The following GPC3 variants were observed in gnomAD, a reference collection of about 807,000 sequenced individuals.
GPC3 encodes glypican 3.
A neutral mutation model predicts 34.4 loss-of-function variants in GPC3; 3 were observed. That is an observed-to-expected ratio of 0.09 (90% CI 0.04 to 0.23). The LOEUF is 0.23. Ranked by LOEUF, GPC3 falls within the 10% of genes least tolerant of loss-of-function variation. GPC3 has a pLI of 1.00. For missense variants in GPC3, 351 were observed against 445.6 expected (o/e 0.79, Z 1.91); for synonymous variants, 177 against 174.0 (o/e 1.02, Z -0.13).
At chrX:133,751,863 TTCTC>T (rs1170910496) in intron 3 of GPC3, among the ~76,000 whole-genome samples, 1 of 111,226 alleles carries the variant, frequency 9.0e-6, no homozygotes, top group Non-Finnish European at 1.9e-5. Context: ...ATATATTTCT[TTCTC>T]TCTCTTGTTT....
At chrX:133,839,654 G>A (rs2075814916) in intron 2 of GPC3, among the ~76,000 whole-genome samples, 1 of 110,773 alleles carries the variant, frequency 9.0e-6, no homozygotes, top group Admixed American at 9.6e-5. Context: ...GAACAGGCCT[G>A]GCGTGGTGGC....
At chrX:133,928,447 T>A (rs1464519317) in intron 2 of GPC3, among the ~76,000 whole-genome samples, 1 of 111,747 alleles carries the variant, frequency 8.9e-6, no homozygotes, top group Non-Finnish European at 1.9e-5. Context: ...TAAAAATTGC[T>A]GGGATTGCTG....
Position 133,594,796 on chromosome X carries a change from A to G in GPC3, c.1573+1644T>C, listed in dbSNP as rs191350625. Among the ~76,000 whole-genome samples, 383 of 111,587 alleles carry G rather than the reference A, an allele frequency of 3.4e-3. 4 individuals carry two copies. The highest frequency in any genetic ancestry group is 0.012 in the African/African-American group (361 of 30,748). ...TGTTCTAGAGATCTGTTGCACAACA[A>G]TGTGCATATAATTAACAGTATTGTA... On this transcript the variant is annotated intron_variant, in intron 7 of 7. Coordinates refer to ENST00000370818, the MANE Select transcript of GPC3 (RefSeq NM_004484.4).
intron 2 of GPC3, among the ~76,000 whole-genome samples, chrX:133,884,754 T>C (rs186573125): frequency 3.6e-5 from 4 of 111,926 alleles, no homozygotes; most frequent in Non-Finnish European, 7.5e-5. Flanking sequence ...AAAGCTAGCA[T>C]CTGGCATTCA....
At chrX:133,626,380 C>T (rs1736100440) in intron 6 of GPC3, among the ~76,000 whole-genome samples, 1 of 110,905 alleles carries the variant, frequency 9.0e-6, no homozygotes, top group African/African-American at 3.3e-5. Context: ...GAACAGAAAC[C>T]TACAGAATGG....
At chrX:133,847,440 G>A (rs923745153) in intron 2 of GPC3, among the ~76,000 whole-genome samples, 2 of 112,110 alleles carry the variant, frequency 1.8e-5, no homozygotes, top group Non-Finnish European at 3.8e-5. Context: ...GTCCCACTGC[G>A]CATGCACTTG....
intron 3 of GPC3, among the ~76,000 whole-genome samples, chrX:133,741,238 C>T (rs73564905): frequency 0.063 from 6,453 of 102,038 alleles, 555 homozygotes; most frequent in African/African-American, 0.22. Context: ...CTTGGACTTT[C>T]AACCCCTGGA....
chrX:133,637,577 C>T (rs893840580), intron 6 of GPC3, among the ~76,000 whole-genome samples: 4 of 111,469 alleles, frequency 3.6e-5, no homozygotes, highest in Non-Finnish European at 7.5e-5. Context: ...ATAATGTTGT[C>T]CAGAAGAAAA....
At chrX:133,779,374 C>G (rs1427095298) in intron 2 of GPC3, among the ~76,000 whole-genome samples, 2 of 111,970 alleles carry the variant, frequency 1.8e-5, no homozygotes, top group Admixed American at 9.5e-5. Flanking sequence ...AACATGAACT[C>G]TGGAACCAGA....
intron 2 of GPC3, among the ~76,000 whole-genome samples, chrX:133,845,409 T>G (rs2075843462): frequency 1.8e-5 from 2 of 111,455 alleles, no homozygotes; most frequent in African/African-American, 6.5e-5. Context: ...AGGAAAAGTT[T>G]AGCCTTCGAG....
At chrX:133,719,198 C>T (rs980030411) in intron 3 of GPC3, among the ~76,000 whole-genome samples, 84 of 111,238 alleles carry the variant, frequency 7.6e-4, no homozygotes, top group Middle Eastern at 4.6e-3. Flanking sequence ...GGCCACAAAA[C>T]GAGTCTCAAA....
intron 6 of GPC3, among the ~76,000 whole-genome samples, chrX:133,620,835 A>C (rs1285478548): frequency 9.0e-6 from 1 of 111,722 alleles, no homozygotes; most frequent in East Asian, 2.8e-4. Context: ...CCAATCAAAA[A>C]ATCTTTGAAA....
chrX:133,851,069 C>T (rs965497576), intron 2 of GPC3, among the ~76,000 whole-genome samples: 15 of 111,729 alleles, frequency 1.3e-4, no homozygotes, highest in African/African-American at 4.9e-4. Flanking sequence ...TGCCACTGCA[C>T]TTCAGCCTGG....
intron 6 of GPC3, among the ~76,000 whole-genome samples, chrX:133,631,596 T>C (rs1326235649): frequency 8.0e-5 from 9 of 111,844 alleles, no homozygotes; most frequent in Non-Finnish European, 1.7e-4. Context: ...CTTGCAGACC[T>C]TGCTCTCAAT....
chrX:133,662,276 T>C (rs929956204), intron 5 of GPC3, among the ~76,000 whole-genome samples: 2 of 111,835 alleles, frequency 1.8e-5, no homozygotes, highest in Admixed American at 1.9e-4. Context: ...GAAAGATTCT[T>C]CCATGTTCTT....
chrX:133,847,587 A>C (rs1417258527), intron 2 of GPC3, among the ~76,000 whole-genome samples: 1 of 112,228 alleles, frequency 8.9e-6, no homozygotes, highest in Non-Finnish European at 1.9e-5. Context: ...TCAGATTTGA[A>C]AGAAAGATCT....
chrX:133,919,619 C>A (rs1386849115), intron 2 of GPC3, among the ~76,000 whole-genome samples: 1 of 110,050 alleles, frequency 9.1e-6, no homozygotes, highest in African/African-American at 3.3e-5. Flanking sequence ...CCAAGGAGTT[C>A]GAGATCAGCC....
At chrX:133,621,412 C>T (rs1224899212) in intron 6 of GPC3, among the ~76,000 whole-genome samples, 1 of 112,035 alleles carries the variant, frequency 8.9e-6, no homozygotes, top group Non-Finnish European at 1.9e-5. Flanking sequence ...CCAAAGGAAG[C>T]TGTGACAGAC....
At chrX:133,551,298 C>G (rs1339521011) in intron 7 of GPC3, among the ~76,000 whole-genome samples, 1 of 111,663 alleles carries the variant, frequency 9.0e-6, no homozygotes, top group Non-Finnish European at 1.9e-5. Flanking sequence ...AGCAGTAAGA[C>G]TTCAATCCCT....
Sources: gnomAD v4.1 joint callset for allele counts (sites outside exome capture counted in the v4.1 genomes callset) on GRCh38, gnomAD v4.1.1 for gene constraint, MANE v1.5 for transcripts, NCBI Gene and HGNC (gene_info 2026-07-23, HGNC 2026-07-21) for gene names.